ZNF804A: variants seen among roughly 807,000 people sequenced by gnomAD.
ZNF804A encodes zinc finger protein 804A.
In ZNF804A, 2 loss-of-function variants were observed where a neutral mutation model predicts 16.5. That is an observed-to-expected ratio of 0.12 (90% CI 0.05 to 0.38). The LOEUF is 0.38. ZNF804A is among the 10% of genes least tolerant of loss of function. ZNF804A has a pLI of 0.99. For missense variants in ZNF804A, 1,473 were observed against 1,390.7 expected (o/e 1.06, Z -0.94); for synonymous variants, 534 against 489.6 (o/e 1.09, Z -1.20).
chr2:184,834,386 A>G (rs1180956559), intron 1 of ZNF804A, among the ~76,000 whole-genome samples: 1 of 152,068 alleles, frequency 6.6e-6, no homozygotes, highest in Non-Finnish European at 1.5e-5. Context: ...TTAGCCCTAG[A>G]ATCAGCTATT....
At chr2:184,632,679 T>G (rs921135716) in intron 1 of ZNF804A, among the ~76,000 whole-genome samples, 1 of 152,322 alleles carries the variant, frequency 6.6e-6, no homozygotes, top group South Asian at 2.1e-4. Context: ...TGCCCAGTCC[T>G]ACTTAGTTTT....
chr2:184,688,960 A>G (rs1403596812), intron 1 of ZNF804A, among the ~76,000 whole-genome samples: 2 of 152,162 alleles, frequency 1.3e-5, no homozygotes, highest in East Asian at 3.8e-4. Flanking sequence ...CTAATAACCA[A>G]CATGTTTGTA....
chr2:184,703,900 T>G (rs1003674904), intron 1 of ZNF804A, among the ~76,000 whole-genome samples: 1 of 152,034 alleles, frequency 6.6e-6, no homozygotes, highest in Non-Finnish European at 1.5e-5. Context: ...TTGAGCCTAA[T>G]TAAAACTAGA....
chr2:184,823,088 C>T (rs1218307966), intron 1 of ZNF804A, among the ~76,000 whole-genome samples: 1 of 151,954 alleles, frequency 6.6e-6, no homozygotes, highest in Admixed American at 6.6e-5. Flanking sequence ...GTATTGGAGG[C>T]TAGGAAGTCC....
chr2:184,869,640 A>G (rs1191985796), intron 2 of ZNF804A, among the ~76,000 whole-genome samples: 1 of 151,960 alleles, frequency 6.6e-6, no homozygotes, highest in African/African-American at 2.4e-5. Flanking sequence ...TTTTTCTCCT[A>G]GAATATTTGG....
intron 1 of ZNF804A, among the ~76,000 whole-genome samples, chr2:184,646,500 G>A (rs757838759): frequency 2.7e-4 from 41 of 152,270 alleles, no homozygotes; most frequent in Middle Eastern, 3.4e-3. Context: ...AACCTGACCT[G>A]CCCCACCCTT....
chr2:184,682,266 T>A (rs914112447), intron 1 of ZNF804A, among the ~76,000 whole-genome samples: 2 of 152,212 alleles, frequency 1.3e-5, no homozygotes, highest in Non-Finnish European at 2.9e-5. Flanking sequence ...AAGGCACCAG[T>A]GGCCAAAGAG....
At chr2:184,615,689 C>A (rs147936240) in intron 1 of ZNF804A, among the ~76,000 whole-genome samples, 150 of 152,074 alleles carry the variant, frequency 9.9e-4, no homozygotes, top group African/African-American at 3.5e-3. Flanking sequence ...CAATCTCAAG[C>A]CCAATAATAG....
chr2:184,724,042 A>G (rs767511005), intron 1 of ZNF804A, among the ~76,000 whole-genome samples: 3 of 151,728 alleles, frequency 2.0e-5, no homozygotes, highest in African/African-American at 4.8e-5. Context: ...CAGTTGTTAT[A>G]TATCTCTTAT....
At chr2:184,909,073 T>A (rs958182863) in intron 2 of ZNF804A, among the ~76,000 whole-genome samples, 1 of 152,110 alleles carries the variant, frequency 6.6e-6, no homozygotes. Flanking sequence ...TTCAAACTCA[T>A]AAGCTGATTA....
intron 1 of ZNF804A, among the ~76,000 whole-genome samples, chr2:184,692,159 G>T (rs1161720081): frequency 6.6e-6 from 1 of 152,120 alleles, no homozygotes; most frequent in Non-Finnish European, 1.5e-5. Context: ...ATATTAACTA[G>T]TGTGTGTGAG....
At chr2:184,739,472 C>A (rs1482756996) in intron 1 of ZNF804A, among the ~76,000 whole-genome samples, 1 of 152,172 alleles carries the variant, frequency 6.6e-6, no homozygotes, top group African/African-American at 2.4e-5. Context: ...TGGCTCACTG[C>A]AACCTCTGCA....
intron 1 of ZNF804A, among the ~76,000 whole-genome samples, chr2:184,738,078 A>G (rs1408860771): frequency 6.6e-6 from 1 of 151,400 alleles, no homozygotes; most frequent in Non-Finnish European, 1.5e-5. Flanking sequence ...GTGAGCCGAG[A>G]TCATGCCATT....
At chr2:184,896,651 A>G (rs1277205903) in intron 2 of ZNF804A, among the ~76,000 whole-genome samples, 2 of 152,172 alleles carry the variant, frequency 1.3e-5, no homozygotes, top group Non-Finnish European at 2.9e-5. Flanking sequence ...TCATATAGAC[A>G]AAACACCATT....
intron 1 of ZNF804A, among the ~76,000 whole-genome samples, chr2:184,700,443 T>C (rs1692900831): frequency 1.3e-5 from 2 of 152,128 alleles, no homozygotes; most frequent in Middle Eastern, 3.4e-3. Flanking sequence ...CATAACCAAA[T>C]ACTAAGAATT....
chr2:184,721,421 G>A (rs532646877), intron 1 of ZNF804A, among the ~76,000 whole-genome samples: 4 of 151,986 alleles, frequency 2.6e-5, no homozygotes, highest in African/African-American at 9.6e-5. Context: ...GTGAGCAAAG[G>A]ACATTCATAG....
chr2:184,932,925 A>C (rs1046248635), intron 2 of ZNF804A, among the ~76,000 whole-genome samples: 2 of 152,172 alleles, frequency 1.3e-5, no homozygotes, highest in Non-Finnish European at 2.9e-5. Flanking sequence ...CTAGAAAAAC[A>C]ATACCAATTT....
chr2:184,710,366 G>T (rs1025216379), intron 1 of ZNF804A, among the ~76,000 whole-genome samples: 2 of 151,202 alleles, frequency 1.3e-5, no homozygotes, highest in African/African-American at 4.9e-5. Context: ...ATTCACTGTT[G>T]AATTGTTTGC....
At chr2:184,796,010 G>A (rs1410932263) in intron 1 of ZNF804A, among the ~76,000 whole-genome samples, 2 of 151,972 alleles carry the variant, frequency 1.3e-5, no homozygotes, top group Non-Finnish European at 2.9e-5. Context: ...TTTATGTGGT[G>A]AATCACATTT....
Sources: gnomAD v4.1 joint callset for allele counts (sites outside exome capture counted in the v4.1 genomes callset) on GRCh38, gnomAD v4.1.1 for gene constraint, MANE v1.5 for transcripts, NCBI Gene and HGNC (gene_info 2026-07-23, HGNC 2026-07-21) for gene names.